RASAL2: variants seen among roughly 807,000 people sequenced by gnomAD.
RASAL2 encodes the protein RAS protein activator like 2.
Under a neutral mutation model 128.9 loss-of-function variants are expected in RASAL2, and 58 were observed. The ratio of observed to expected loss-of-function variants is 0.45; its 90% CI spans 0.36 to 0.56. The LOEUF (loss-of-function observed/expected upper bound fraction) is 0.56. Ranked by LOEUF, RASAL2 falls within the 20% of genes least tolerant of loss-of-function variation. The probability of loss-of-function intolerance (pLI) is 0.00; values close to 1 mark genes in which losing one functional copy is unlikely to be tolerated. For synonymous variants in RASAL2, 561 were observed against 580.8 expected, an observed-to-expected ratio of 0.97 and a Z score of 0.49; for missense variants, 1,360 against 1,601.6, an observed-to-expected ratio of 0.85 and a Z score of 2.57.
chr1:178,150,156 G>A (rs1000231569), intron 1 of RASAL2, among the ~76,000 whole-genome samples: 1 of 152,120 alleles, frequency 6.6e-6, no homozygotes, highest in African/African-American at 2.4e-5. Context: ...ATTATTGACT[G>A]ATTAAATTAA....
At chr1:178,440,380 C>T (rs1676552796) in intron 6 of RASAL2, among the ~76,000 whole-genome samples, 1 of 151,810 alleles carries the variant, frequency 6.6e-6, no homozygotes, top group African/African-American at 2.4e-5. Flanking sequence ...GCATGCATAT[C>T]CAAAATATTA....
intron 1 of RASAL2, among the ~76,000 whole-genome samples, chr1:178,205,585 T>C (rs1186285613): frequency 1.3e-5 from 2 of 151,878 alleles, no homozygotes; most frequent in Non-Finnish European, 2.9e-5. Flanking sequence ...TGAAACCCTG[T>C]CTCTACTAAA....
chr1:178,359,790 G>A (rs1671012606), intron 3 of RASAL2, among the ~76,000 whole-genome samples: 1 of 152,112 alleles, frequency 6.6e-6, no homozygotes, highest in Non-Finnish European at 1.5e-5. Context: ...TGATGTTACT[G>A]TTGTTGAATT....
intron 14 of RASAL2, among the ~76,000 whole-genome samples, chr1:178,463,664 C>A (rs1039837045): frequency 5.9e-5 from 9 of 152,146 alleles, no homozygotes; most frequent in African/African-American, 2.2e-4. Flanking sequence ...ACTTGTCCTT[C>A]TTTTTCTCTA....
At chr1:178,328,546 C>G (rs1231095393) in intron 3 of RASAL2, among the ~76,000 whole-genome samples, 1 of 152,140 alleles carries the variant, frequency 6.6e-6, no homozygotes, top group East Asian at 1.9e-4. Flanking sequence ...TCAAATTCAT[C>G]TCTTTATGTT....
Position 178,376,869 on chromosome 1 carries a change from G to A in RASAL2, c.458-13231G>A, listed in dbSNP as rs560086618. On this transcript the variant is annotated intron_variant, in intron 3 of 17. Transcript: ENST00000367649. ...AGACTCGGGACTTTTCAAAATTATT[G>A]AAATTATTCTGTCAGATCCAGCTTT... Among the ~76,000 whole-genome samples the A allele has an allele frequency of 3.3e-5, 5 of 152,164 alleles. No individual in the cohort carries two copies. In the South Asian group the frequency reaches 1.0e-3, roughly 32 times the overall value.
At chr1:178,137,719 C>T (rs1364102136) in intron 1 of RASAL2, among the ~76,000 whole-genome samples, 1 of 152,080 alleles carries the variant, frequency 6.6e-6, no homozygotes, top group East Asian at 1.9e-4. Flanking sequence ...GGAAGAAAGC[C>T]TCAGATGCTT....
chr1:178,182,907 C>T (rs916479470), intron 1 of RASAL2, among the ~76,000 whole-genome samples: 2 of 152,102 alleles, frequency 1.3e-5, no homozygotes, highest in Non-Finnish European at 2.9e-5. Flanking sequence ...CACCTCAGAT[C>T]GTCAGGCGTT....
intron 3 of RASAL2, among the ~76,000 whole-genome samples, chr1:178,306,245 G>A (rs556476202): frequency 1.3e-5 from 2 of 152,232 alleles, no homozygotes; most frequent in East Asian, 3.9e-4. Flanking sequence ...TTTTATGGCT[G>A]CATAGTATTC....
At chr1:178,443,967 CCAAA>C (rs938923906) in intron 8 of RASAL2, among the ~76,000 whole-genome samples, 15 of 152,112 alleles carry the variant, frequency 9.9e-5, no homozygotes, top group African/African-American at 3.4e-4. Flanking sequence ...GTATTTAGAA[CCAAA>C]CAAAGTACTA....
intron 3 of RASAL2, among the ~76,000 whole-genome samples, chr1:178,362,977 A>AT (rs1268708693): frequency 1.3e-5 from 2 of 152,214 alleles, no homozygotes; most frequent in South Asian, 2.1e-4. Flanking sequence ...GGGAATGCAG[A>AT]TTTTTTTAAT....
At chr1:178,279,218 A>G (rs1557873328) in intron 1 of RASAL2, among the ~76,000 whole-genome samples, 2 of 152,214 alleles carry the variant, frequency 1.3e-5, no homozygotes, top group Non-Finnish European at 2.9e-5. Flanking sequence ...TTATAGTTAC[A>G]TAACCTGCTT....
At chr1:178,244,021 A>G (rs961891587) in intron 1 of RASAL2, among the ~76,000 whole-genome samples, 1 of 152,126 alleles carries the variant, frequency 6.6e-6, no homozygotes, top group African/African-American at 2.4e-5. Context: ...TGCTTTTTAC[A>G]TGGAATCTGA....
At chr1:178,330,755 C>A (rs1387211471) in intron 3 of RASAL2, among the ~76,000 whole-genome samples, 3 of 152,044 alleles carry the variant, frequency 2.0e-5, no homozygotes, top group Admixed American at 6.6e-5. Flanking sequence ...AATACTATGT[C>A]AAATGGGGGG....
rs570842073 is a variant in RASAL2 at position 178,148,693 on chromosome 1, C to T, written c.202+53999C>T. Among the ~76,000 whole-genome samples, 7 of 152,282 alleles carry T rather than the reference C, an allele frequency of 4.6e-5. No individual in the cohort carries two copies. The East Asian group carries it at 7.7e-4, about 17-fold the overall frequency. On this transcript the variant is annotated intron_variant, in intron 1 of 17. Transcript: ENST00000367649. ...TTCCCAAGCTCAAGCAATACACTACCTCAGCCTCCCAAAGTGTTAGGATTA... is the reference window on the plus strand; with the variant it reads ...TTCCCAAGCTCAAGCAATACACTACTTCAGCCTCCCAAAGTGTTAGGATTA...
intron 8 of RASAL2, among the ~76,000 whole-genome samples, 162 bp downstream of exon 8, chr1:178,443,391 AT>A (rs1306047585): frequency 3.9e-5 from 6 of 152,212 alleles, no homozygotes; most frequent in Admixed American, 3.9e-4. Context: ...AAAGATGAAG[AT>A]TATAAAACTA....
chr1:178,266,230 C>T (rs893205843), intron 1 of RASAL2, among the ~76,000 whole-genome samples: 6 of 152,180 alleles, frequency 3.9e-5, no homozygotes, highest in African/African-American at 1.2e-4. Context: ...TCCTTCAATT[C>T]CTCAACAATA....
At chr1:178,160,600 A>G (rs1661248987) in intron 1 of RASAL2, among the ~76,000 whole-genome samples, 1 of 152,224 alleles carries the variant, frequency 6.6e-6, no homozygotes, top group Non-Finnish European at 1.5e-5. Flanking sequence ...GCACCACTGC[A>G]CTCCAGCCTG....
At chr1:178,167,419 CAAAAT>C (rs1345692698) in intron 1 of RASAL2, among the ~76,000 whole-genome samples, 15 of 152,114 alleles carry the variant, frequency 9.9e-5, no homozygotes, top group Admixed American at 3.3e-4. Flanking sequence ...GATAATGAAT[CAAAAT>C]AATAAAATTT....
Sources: gnomAD v4.1 joint callset for allele counts (sites outside exome capture counted in the v4.1 genomes callset) on GRCh38, gnomAD v4.1.1 for gene constraint, MANE v1.5 for transcripts, NCBI Gene and HGNC (gene_info 2026-07-23, HGNC 2026-07-21) for gene names.